The following NAALADL2 variants were observed in gnomAD, a reference collection of about 807,000 sequenced individuals.
The protein encoded by NAALADL2 is inactive N-acetylated-alpha-linked acidic dipeptidase-like protein 2.
In NAALADL2, 76 loss-of-function variants were observed where a neutral mutation model predicts 87.2. The ratio of observed to expected loss-of-function variants is 0.87; its 90% CI spans 0.72 to 1.05. The LOEUF is 1.05. Ranked by LOEUF, NAALADL2 falls within the 50% of genes least tolerant of loss-of-function variation. NAALADL2 has a pLI of 0.00. For missense variants in NAALADL2, 1,089 were observed against 945.8 expected (o/e 1.15, Z -1.99); for synonymous variants, 354 against 331.0 (o/e 1.07, Z -0.75).
intron 6 of NAALADL2, among the ~76,000 whole-genome samples, chr3:175,449,932 T>C (rs1193176461): frequency 1.3e-5 from 2 of 152,230 alleles, no homozygotes; most frequent in East Asian, 3.8e-4. Flanking sequence ...TTCAAAAAGA[T>C]ATATTTAAAT....
Position 175,771,837 on chromosome 3 carries a change from C to T in NAALADL2, c.2189+16419C>T, listed in dbSNP as rs188795945. Among the ~76,000 whole-genome samples, 7 of 152,260 alleles carry T rather than the reference C, an allele frequency of 4.6e-5. No homozygotes were observed. In the East Asian group the frequency reaches 9.7e-4, roughly 21 times the overall value. On this transcript the variant is annotated intron_variant, in intron 13 of 13. Coordinates refer to ENST00000454872, the MANE Select transcript of NAALADL2 (RefSeq NM_207015.3). ...TTTATAAAGGAAAGAGGTTTAATTA[C>T]TCACAGGTCAGCATGGCTGTGGAGG...
At chr3:174,753,757 T>A (rs1254403535) in intron 3 of NAALADL2, among the ~76,000 whole-genome samples, 3 of 152,120 alleles carry the variant, frequency 2.0e-5, no homozygotes, top group Admixed American at 6.5e-5. Context: ...ATGCACTGAA[T>A]TGTGTCCCTT....
At chr3:175,792,952 T>G (rs1752975960) in intron 13 of NAALADL2, among the ~76,000 whole-genome samples, 1 of 152,240 alleles carries the variant, frequency 6.6e-6, no homozygotes, top group Non-Finnish European at 1.5e-5. Flanking sequence ...CTTTTGCTGG[T>G]TCTTTCAGAA....
chr3:174,537,607 A>G (rs922189870), intron 1 of NAALADL2, among the ~76,000 whole-genome samples: 3 of 152,176 alleles, frequency 2.0e-5, no homozygotes, highest in Non-Finnish European at 2.9e-5. Context: ...TGATAAGTGG[A>G]ACAATAGCGA....
intron 9 of NAALADL2, among the ~76,000 whole-genome samples, chr3:175,510,198 C>A (rs576186885): frequency 6.6e-6 from 1 of 152,134 alleles, no homozygotes; most frequent in Admixed American, 6.5e-5. Context: ...CTTATAAAAC[C>A]ATCAGATCTC....
chr3:175,447,676 C>T (rs1029581936), intron 6 of NAALADL2, among the ~76,000 whole-genome samples: 3 of 152,142 alleles, frequency 2.0e-5, no homozygotes, highest in South Asian at 2.1e-4. Flanking sequence ...CATAGCTTCC[C>T]GGTTTCAGCT....
chr3:175,258,232 C>G (rs1581154299), intron 4 of NAALADL2, among the ~76,000 whole-genome samples: 2 of 148,832 alleles, frequency 1.3e-5, no homozygotes, highest in African/African-American at 4.9e-5. Context: ...CGCTTGAACC[C>G]GGGAGGCAGA....
chr3:174,763,428 A>C (rs560303892), intron 3 of NAALADL2, among the ~76,000 whole-genome samples: 70 of 151,622 alleles, frequency 4.6e-4, no homozygotes, highest in African/African-American at 1.6e-3. Flanking sequence ...CTCTACTAAA[A>C]ATACAAAAAT....
intron 2 of NAALADL2, among the ~76,000 whole-genome samples, chr3:174,610,471 A>G (rs1358105172): frequency 6.6e-6 from 1 of 152,172 alleles, no homozygotes; most frequent in Non-Finnish European, 1.5e-5. Flanking sequence ...ATTTACAAGA[A>G]AAAAACAAAC....
chr3:175,737,162 A>T, intron 11 of NAALADL2, 144 bp from the exon 12 acceptor site: 1 of 551,366 alleles, frequency 1.8e-6, no homozygotes, highest in Non-Finnish European at 3.1e-6. Flanking sequence ...GATTTAAAAG[A>T]AAAAGAGATT....
chr3:175,665,622 A>G (rs1732851054), intron 11 of NAALADL2, among the ~76,000 whole-genome samples: 1 of 152,154 alleles, frequency 6.6e-6, no homozygotes, highest in Non-Finnish European at 1.5e-5. Context: ...TCATTATGAT[A>G]GCATCTTAAC....
chr3:174,605,470 T>A (rs934242566), intron 2 of NAALADL2, among the ~76,000 whole-genome samples: 28 of 152,178 alleles, frequency 1.8e-4, no homozygotes, highest in African/African-American at 6.8e-4. Flanking sequence ...ACCCGAATAC[T>A]GCACTTTTCC....
At chr3:175,188,763 A>G (rs888761783) in intron 2 of NAALADL2, among the ~76,000 whole-genome samples, 3 of 152,038 alleles carry the variant, frequency 2.0e-5, no homozygotes, top group African/African-American at 7.2e-5. Flanking sequence ...CTGGATTCAC[A>G]GCCTAAACTC....
At chr3:175,678,030 A>G (rs1735059254) in intron 11 of NAALADL2, among the ~76,000 whole-genome samples, 1 of 152,220 alleles carries the variant, frequency 6.6e-6, no homozygotes, top group African/African-American at 2.4e-5. Context: ...TCAAAGGGTT[A>G]GGCAGAGCCT....
chr3:175,426,472 C>A (rs565847108), intron 5 of NAALADL2, among the ~76,000 whole-genome samples: 1 of 152,258 alleles, frequency 6.6e-6, no homozygotes, highest in South Asian at 2.1e-4. Flanking sequence ...TTTCTCATGT[C>A]CTTTCTATTT....
At chr3:174,662,896 G>C (rs903869053) in intron 2 of NAALADL2, among the ~76,000 whole-genome samples, 2 of 151,978 alleles carry the variant, frequency 1.3e-5, no homozygotes, top group Non-Finnish European at 2.9e-5. Context: ...GTTATCAGTG[G>C]GTCTGTATTT....
chr3:174,513,559 T>C (rs1332842922), intron 1 of NAALADL2: 2 of 152,188 alleles, frequency 1.3e-5, no homozygotes, highest in African/African-American at 4.8e-5. Flanking sequence ...CAAAATCCTT[T>C]GCAGAGGTAA....
chr3:174,450,869 C>CAAAAAA (rs761513802), intron 1 of NAALADL2, among the ~76,000 whole-genome samples: 56 of 74,810 alleles, frequency 7.5e-4, no homozygotes, highest in African/African-American at 2.4e-3. Context: ...GACTCTGTCT[C>CAAAAAA]AAAAAAAAAA....
chr3:175,291,995 T>A (rs1437027350), intron 4 of NAALADL2, among the ~76,000 whole-genome samples: 1 of 152,236 alleles, frequency 6.6e-6, no homozygotes, highest in Admixed American at 6.5e-5. Context: ...GTCTCCAAAA[T>A]AGTTTATATG....
Sources: gnomAD v4.1 joint callset for allele counts (sites outside exome capture counted in the v4.1 genomes callset) on GRCh38, gnomAD v4.1.1 for gene constraint, MANE v1.5 for transcripts, NCBI Gene and HGNC (gene_info 2026-07-23, HGNC 2026-07-21) for gene names.